TBC1D14: variants seen among roughly 807,000 people sequenced by gnomAD.
TBC1D14 encodes the protein TBC1 domain family, member 14.
In TBC1D14, 26 loss-of-function variants were observed where a neutral mutation model predicts 79.0. The observed-to-expected ratio is 0.33, with a 90% CI of 0.24 to 0.46. TBC1D14 has a LOEUF of 0.46. TBC1D14 is among the 20% of genes least tolerant of loss of function. TBC1D14 has a pLI of 1.00. For synonymous variants in TBC1D14, 394 were observed against 349.9 expected (o/e 1.13, Z -1.40); for missense variants, 769 against 887.6 (o/e 0.87, Z 1.70).
chr4:6,955,812 G>T (rs1027993331), intron 2 of TBC1D14, among the ~76,000 whole-genome samples: 4 of 152,064 alleles, frequency 2.6e-5, no homozygotes, highest in African/African-American at 7.2e-5. Context: ...GGAGGATTGC[G>T]TCCTGCCTCT....
At chr4:7,022,926 T>G (rs1243229138) in intron 12 of TBC1D14, among the ~76,000 whole-genome samples, 1 of 152,108 alleles carries the variant, frequency 6.6e-6, no homozygotes, top group Non-Finnish European at 1.5e-5. Flanking sequence ...TATTTGACTA[T>G]ATATATAAAA....
At chr4:6,946,148 A>G (rs1480883346) in intron 2 of TBC1D14, among the ~76,000 whole-genome samples, 1 of 152,124 alleles carries the variant, frequency 6.6e-6, no homozygotes, top group East Asian at 1.9e-4. Flanking sequence ...GGGTACCTAC[A>G]TTTCCGGTCA....
At chr4:7,021,740 T>C (rs1172292681) in intron 12 of TBC1D14, among the ~76,000 whole-genome samples, 1 of 152,210 alleles carries the variant, frequency 6.6e-6, no homozygotes. Context: ...AACGCAATAA[T>C]ATGCAGTGGT....
chr4:6,925,019 G>A (rs1326806624), intron 2 of TBC1D14, among the ~76,000 whole-genome samples: 2 of 152,164 alleles, frequency 1.3e-5, no homozygotes, highest in Non-Finnish European at 2.9e-5. Flanking sequence ...GTGGCTGGGT[G>A]CAGTGGGTCA....
At chr4:6,925,116 A>G (rs919546466) in intron 2 of TBC1D14, among the ~76,000 whole-genome samples, 1 of 152,092 alleles carries the variant, frequency 6.6e-6, no homozygotes, top group African/African-American at 2.4e-5. Context: ...AACATGGCAA[A>G]ACCCCGTCTC....
chr4:6,923,797 C>T lies in TBC1D14; in HGVS notation c.408C>T (p.Asp136=). 3.7e-6 allele frequency: 6 copies of T among 1,614,166 alleles called. No individual in the cohort carries two copies. Among genetic ancestry groups the T allele is most frequent in the Non-Finnish European group, 5.1e-6 (6 of 1,180,052 alleles). The change falls in exon 2 of 14, where the codon GAC becomes GAT. Residue 136 remains aspartate, a synonymous_variant. Transcript: ENST00000409757. Reference sequence around the variant, plus strand: ...CCACGTTTCCCAGGACAGGCTATGACTCGGTAAAGCTCTATAGCCCGACCT... The same window carrying T: ...CCACGTTTCCCAGGACAGGCTATGATTCGGTAAAGCTCTATAGCCCGACCT... The part of the protein sequence containing the change: ...KSSTFPRTGY[D]SVKLYSPTSK...
chr4:6,995,752 T>A (rs1259562444), intron 4 of TBC1D14: 1 of 152,568 alleles, frequency 6.6e-6, no homozygotes, highest in Non-Finnish European at 1.5e-5. Flanking sequence ...GACCTCGTGA[T>A]CCACCTGCCT....
chr4:6,920,961 G>T (rs941043750), intron 1 of TBC1D14, among the ~76,000 whole-genome samples: 1 of 152,170 alleles, frequency 6.6e-6, no homozygotes, highest in South Asian at 2.1e-4. Flanking sequence ...TGTATTTTTA[G>T]TAGAGATGAG....
chr4:6,998,113 G>A (rs1719255876), intron 5 of TBC1D14, among the ~76,000 whole-genome samples: 1 of 152,212 alleles, frequency 6.6e-6, no homozygotes, highest in Admixed American at 6.5e-5. Context: ...GCTCACACCT[G>A]TAATCCCAGC....
intron 1 of TBC1D14, among the ~76,000 whole-genome samples, chr4:6,911,404 C>T (rs975879229): frequency 6.6e-6 from 1 of 152,226 alleles, no homozygotes; most frequent in African/African-American, 2.4e-5. Context: ...CAAACTGAGG[C>T]AGGCTACTGG....
chr4:6,914,536 G>A (rs7688690), intron 1 of TBC1D14, among the ~76,000 whole-genome samples: 73,188 of 152,068 alleles, frequency 0.48, 17,698 homozygotes, highest in Middle Eastern at 0.54. Flanking sequence ...AGGCTAGCCC[G>A]GCACAGCTCT....
intron 2 of TBC1D14, among the ~76,000 whole-genome samples, chr4:6,953,302 C>T (rs113072243): frequency 0.14 from 18,729 of 136,546 alleles, 1,809 homozygotes; most frequent in African/African-American, 0.27. Context: ...GGATTACAGG[C>T]GTGAGCCACC....
intron 12 of TBC1D14, among the ~76,000 whole-genome samples, chr4:7,019,098 T>G (rs1721562233): frequency 6.6e-6 from 1 of 151,720 alleles, no homozygotes; most frequent in South Asian, 2.1e-4. Flanking sequence ...CTCGGCTCAC[T>G]GCAAGCTCCG....
chr4:6,942,473 C>T (rs1175073411), intron 2 of TBC1D14, among the ~76,000 whole-genome samples: 1 of 152,198 alleles, frequency 6.6e-6, no homozygotes, highest in Non-Finnish European at 1.5e-5. Context: ...CCCTTTTGGG[C>T]CCCACAGCAG....
rs374641119 is a variant in TBC1D14, at chr4:7,025,184, C to G, written c.1938C>G (p.Pro646=). 1 of 1,614,206 alleles carries G rather than the reference C, an allele frequency of 6.2e-7. No individual in the cohort carries two copies. The highest frequency in any genetic ancestry group is 1.7e-5 in the Admixed American group (1 of 60,022). Residue 646 remains proline, a synonymous_variant, in exon 13 of 14, where the codon CCC becomes CCG. Transcript: ENST00000409757. ...TGGCCCAGTTCCTGACCCGGCTGCC[C>G]GAGGACCTGCCCGCCGAGGAGCTGT... ...IHMAQFLTRL[P]EDLPAEELFA... is the part of the protein sequence containing the mutation.
In TBC1D14 at chr4:6,944,604, C is replaced by T. The variant is rs932033735; in HGVS notation, c.722+20493C>T. On this transcript the variant is annotated intron_variant, in intron 2 of 13. Coordinates refer to ENST00000409757, the MANE Select transcript of TBC1D14 (RefSeq NM_020773.3). ...GCCCAGCCTCTGTTTTACAAACGAG[C>T]ATGCTCCAAGCAGTGGCTGATGGGC... 1.4e-4 allele frequency among the ~76,000 whole-genome samples: 21 copies of T among 152,342 alleles called. 1 individual carries two copies. Among genetic ancestry groups the T allele is most frequent in the Admixed American group, 1.4e-3 (21 of 15,302 alleles).
chr4:6,971,243 A>G (rs1168178040), intron 3 of TBC1D14, among the ~76,000 whole-genome samples: 1 of 152,236 alleles, frequency 6.6e-6, no homozygotes, highest in Non-Finnish European at 1.5e-5. Flanking sequence ...TATGACATCT[A>G]CTTGCTTAAT....
Position 7,032,285 on chromosome 4 carries a change from C to T in TBC1D14, c.*1893C>T, listed in dbSNP as rs1394990868. 6.5e-6 allele frequency: 1 copy of T among 152,692 alleles called. No homozygotes were observed. Among genetic ancestry groups the T allele is most frequent in the Non-Finnish European group, 1.5e-5 (1 of 68,098 alleles). 9.5% of individuals were successfully genotyped at this position (152,692 alleles called of 1,614,324 possible). A position where few individuals can be genotyped will look rare whatever the true frequency, so the allele number is the denominator to read the frequency against. The stretch of plus-strand genomic sequence containing the variant: ...GTGCGCTGTTGTCCTCGCAGATGTA[C>T]TTATTTTTGTTCATGTTACGGGCGT... On this transcript the variant is annotated 3_prime_UTR_variant, in exon 14 of 14. Coordinates refer to ENST00000409757, the MANE Select transcript of TBC1D14 (RefSeq NM_020773.3).
intron 3 of TBC1D14, among the ~76,000 whole-genome samples, chr4:6,971,371 G>T (rs1046585084): frequency 6.6e-6 from 1 of 152,206 alleles, no homozygotes; most frequent in Admixed American, 6.5e-5. Context: ...CAATAGGTCC[G>T]ATTTGTGGTG....
Sources: allele counts gnomAD v4.1 joint callset (sites outside exome capture counted in the v4.1 genomes callset), GRCh38; gene constraint gnomAD v4.1.1; transcripts MANE v1.5; gene names NCBI Gene and HGNC (gene_info 2026-07-23, HGNC 2026-07-21).